Variants in TNR observed in about 807,000 individuals in gnomAD.
TNR encodes the protein tenascin R, also known as tenascin-R.
A neutral mutation model predicts 150.4 loss-of-function variants in TNR; 45 were observed. The ratio of observed to expected loss-of-function variants is 0.30; its 90% CI spans 0.24 to 0.38. The LOEUF is 0.38. TNR is among the 10% of genes least tolerant of loss of function. The pLI is 1.00. For missense variants in TNR, 1,544 were observed against 1,759.1 expected (o/e 0.88, Z 2.19); for synonymous variants, 687 against 678.4 (o/e 1.01, Z -0.20).
intron 1 of TNR, among the ~76,000 whole-genome samples, chr1:175,595,227 G>A (rs1015914243): frequency 6.6e-6 from 1 of 152,178 alleles, no homozygotes; most frequent in East Asian, 1.9e-4. Context: ...TTTGGTGATT[G>A]CCAGCTATTG....
chr1:175,649,430 A>G (rs571269850), intron 1 of TNR, among the ~76,000 whole-genome samples: 41 of 152,274 alleles, frequency 2.7e-4, no homozygotes, highest in African/African-American at 9.9e-4. Flanking sequence ...ATCAGAACTT[A>G]TGATATCACT....
At chr1:175,574,531 C>T (rs962573508) in intron 1 of TNR, among the ~76,000 whole-genome samples, 4 of 152,212 alleles carry the variant, frequency 2.6e-5, no homozygotes, top group South Asian at 4.1e-4. Context: ...AGATATGCAG[C>T]GATAAGATAT....
At chr1:175,679,332 T>C (rs1279824327) in intron 1 of TNR, among the ~76,000 whole-genome samples, 2 of 152,196 alleles carry the variant, frequency 1.3e-5, no homozygotes, top group Non-Finnish European at 2.9e-5. Flanking sequence ...CAGTGAGAGA[T>C]GTCCAAATTT....
chr1:175,653,213 CTTTG>C (rs1665055860), intron 1 of TNR, among the ~76,000 whole-genome samples: 2 of 152,206 alleles, frequency 1.3e-5, no homozygotes, highest in Admixed American at 6.5e-5. Context: ...TTTGCCATAG[CTTTG>C]TTTGTGGCAG....
intron 2 of TNR, among the ~76,000 whole-genome samples, chr1:175,492,695 C>CA (rs913277617): frequency 2.0e-5 from 3 of 151,918 alleles, no homozygotes; most frequent in African/African-American, 7.3e-5. Flanking sequence ...AGAATTGCTT[C>CA]AAAAAAATCC....
At chr1:175,515,149 G>A (rs767341585) in intron 2 of TNR, among the ~76,000 whole-genome samples, 2 of 152,170 alleles carry the variant, frequency 1.3e-5, no homozygotes, top group African/African-American at 4.8e-5. Flanking sequence ...TCATGTGATC[G>A]GGTGTATTTA....
intron 2 of TNR, among the ~76,000 whole-genome samples, chr1:175,501,660 C>T (rs1557972479): frequency 6.6e-6 from 1 of 152,242 alleles, no homozygotes; most frequent in Non-Finnish European, 1.5e-5. Context: ...GACAGCAAAT[C>T]AGTGGATATT....
intron 1 of TNR, among the ~76,000 whole-genome samples, chr1:175,532,782 G>A (rs1660124247): frequency 6.6e-6 from 1 of 152,140 alleles, no homozygotes; most frequent in Non-Finnish European, 1.5e-5. Context: ...TGTGATATTG[G>A]TCATTGCAGG....
intron 1 of TNR, among the ~76,000 whole-genome samples, chr1:175,672,865 G>C (rs1411971517): frequency 6.6e-6 from 1 of 152,110 alleles, no homozygotes; most frequent in Non-Finnish European, 1.5e-5. Flanking sequence ...CTTCCTGCTA[G>C]GTTCGTCACT....
intron 1 of TNR, among the ~76,000 whole-genome samples, chr1:175,695,338 C>A (rs1666483123): frequency 6.6e-6 from 1 of 152,184 alleles, no homozygotes; most frequent in Admixed American, 6.5e-5. Context: ...CCCAAACAAG[C>A]CTGCGGATTA....
At chr1:175,533,493 G>A (rs1660151878) in intron 1 of TNR, among the ~76,000 whole-genome samples, 1 of 152,174 alleles carries the variant, frequency 6.6e-6, no homozygotes, top group Non-Finnish European at 1.5e-5. Flanking sequence ...TCCAGGGAAG[G>A]GCTCAGCCTT....
At chr1:175,556,594 C>T (rs1661168281) in intron 1 of TNR, 1 of 152,630 alleles carries the variant, frequency 6.6e-6, no homozygotes, top group Non-Finnish European at 1.5e-5. Context: ...CACTCACCTT[C>T]TCTGAACTCT....
intron 4 of TNR, among the ~76,000 whole-genome samples, chr1:175,398,594 G>A (rs1332285648): frequency 1.3e-5 from 2 of 152,148 alleles, no homozygotes; most frequent in Non-Finnish European, 2.9e-5. Context: ...TATGTACCAA[G>A]TACAATGCTA....
Position 175,518,334 on chromosome 1 carries a change from G to A in TNR, c.-64+9935C>T, listed in dbSNP as rs566716831. Among the ~76,000 whole-genome samples, 23 of 152,276 alleles carry A rather than the reference G, an allele frequency of 1.5e-4. No individual in the cohort carries two copies. In the East Asian group the frequency reaches 2.9e-3, roughly 19 times the overall value. On this transcript the variant is annotated intron_variant, in intron 2 of 22. Transcript: ENST00000367674. Reference sequence around the variant, plus strand: ...ACCCACAGGGCCAGGTCTAGTGAACGTCTCTCAGACTGTGCAGTCTTGGGA... The same window carrying A: ...ACCCACAGGGCCAGGTCTAGTGAACATCTCTCAGACTGTGCAGTCTTGGGA...
At chr1:175,507,918 C>G (rs1317493365) in intron 2 of TNR, among the ~76,000 whole-genome samples, 1 of 152,146 alleles carries the variant, frequency 6.6e-6, no homozygotes, top group African/African-American at 2.4e-5. Context: ...ATCTATTTAT[C>G]TTTGTTTTTT....
At chr1:175,576,375 C>T (rs1027099933) in intron 1 of TNR, among the ~76,000 whole-genome samples, 2 of 152,034 alleles carry the variant, frequency 1.3e-5, no homozygotes, top group African/African-American at 2.4e-5. Context: ...TCAGTATTTC[C>T]GGGCGCTGGT....
At chr1:175,604,698 T>C (rs1663356236) in intron 1 of TNR, among the ~76,000 whole-genome samples, 2 of 152,206 alleles carry the variant, frequency 1.3e-5, no homozygotes, top group Admixed American at 1.3e-4. Flanking sequence ...GTCTGTTTTG[T>C]GTACAAATGA....
At chr1:175,470,053 T>C (rs1330822855) in intron 2 of TNR, among the ~76,000 whole-genome samples, 2 of 152,072 alleles carry the variant, frequency 1.3e-5, no homozygotes, top group Non-Finnish European at 2.9e-5. Flanking sequence ...GTTGGTATAA[T>C]CCACTGTGAA....
At chr1:175,555,083 T>G (rs1043551039) in intron 1 of TNR, among the ~76,000 whole-genome samples, 1 of 152,126 alleles carries the variant, frequency 6.6e-6, no homozygotes, top group Non-Finnish European at 1.5e-5. Context: ...TAGTCCTAGG[T>G]GCTGCAAGCT....
Sources: allele counts gnomAD v4.1 joint callset (sites outside exome capture counted in the v4.1 genomes callset), GRCh38; gene constraint gnomAD v4.1.1; transcripts MANE v1.5; gene names NCBI Gene and HGNC (gene_info 2026-07-23, HGNC 2026-07-21).